The following NPHP1 variants were observed in gnomAD, a reference collection of about 807,000 sequenced individuals.
NPHP1 encodes nephrocystin-1.
Under a neutral mutation model 90.4 loss-of-function variants are expected in NPHP1, and 70 were observed. The observed-to-expected ratio is 0.77, with a 90% confidence interval of 0.64 to 0.95. The LOEUF is 0.95. Ranked by LOEUF, NPHP1 falls within the 40% of genes least tolerant of loss-of-function variation. The pLI is 0.00. For missense variants in NPHP1, 764 were observed against 795.9 expected (o/e 0.96, Z 0.48); for synonymous variants, 256 against 271.7 (o/e 0.94, Z 0.57).
rs547214048 is a variant in NPHP1 at position 110,130,423 on chromosome 2, T to A, written c.1643-1164A>T. 9.9e-5 allele frequency among the ~76,000 whole-genome samples: 15 copies of A among 152,284 alleles called. 1 individual carries two copies. The South Asian group carries it at 3.1e-3, about 32-fold the overall frequency. ...GCCTTATCCTCTTTAAGAGGTCACATCATTCATGAAGTTTCTCAAGAGTCA... is the reference window on the plus strand; with the variant it reads ...GCCTTATCCTCTTTAAGAGGTCACAACATTCATGAAGTTTCTCAAGAGTCA... On this transcript the variant is annotated intron_variant, in intron 17 of 19. Coordinates refer to ENST00000445609, the MANE Select transcript of NPHP1 (RefSeq NM_001128178.3).
chr2:110,178,313 T>C, intron 4 of NPHP1, 110 bp downstream of exon 4: 1 of 1,022,542 alleles, frequency 9.8e-7, no homozygotes, highest in Non-Finnish European at 1.5e-6. Flanking sequence ...GATTCTATTG[T>C]TAGTGTCATT....
intron 11 of NPHP1, among the ~76,000 whole-genome samples, chr2:110,151,815 T>C (rs1681490591): frequency 6.6e-6 from 1 of 152,190 alleles, no homozygotes; most frequent in African/African-American, 2.4e-5. Context: ...TTTCAAGAAA[T>C]GTTTTCTACT....
intron 16 of NPHP1, among the ~76,000 whole-genome samples, chr2:110,138,545 G>A (rs1680387242): frequency 6.6e-6 from 1 of 151,990 alleles, no homozygotes; most frequent in African/African-American, 2.4e-5. Flanking sequence ...GGGATGCAGG[G>A]GACCATTTCA....
chr2:110,140,784 T>C (rs1680566443), intron 16 of NPHP1, among the ~76,000 whole-genome samples: 5 of 152,090 alleles, frequency 3.3e-5, no homozygotes, highest in Admixed American at 3.3e-4. Flanking sequence ...ATTTACAGGC[T>C]CTATGAACAT....
intron 2 of NPHP1, among the ~76,000 whole-genome samples, chr2:110,181,036 G>T (rs1010060042): frequency 3.9e-5 from 6 of 152,130 alleles, no homozygotes; most frequent in Non-Finnish European, 8.8e-5. Context: ...ATTGTTCCGT[G>T]GGCCCCACTT....
At chr2:110,140,680 T>C (rs1366941730) in intron 16 of NPHP1, among the ~76,000 whole-genome samples, 2 of 152,016 alleles carry the variant, frequency 1.3e-5, no homozygotes, top group African/African-American at 4.8e-5. Context: ...CAAACAAGAT[T>C]TGGGTTTTCT....
At chr2:110,175,239 T>C (rs183942564) in intron 4 of NPHP1, among the ~76,000 whole-genome samples, 2 of 152,256 alleles carry the variant, frequency 1.3e-5, no homozygotes, top group East Asian at 1.9e-4. Flanking sequence ...CTTTACATAA[T>C]TGAGTGTCTT....
intron 18 of NPHP1, chr2:110,128,936 GA>G: frequency 1.9e-6 from 1 of 513,448 alleles, no homozygotes; most frequent in Non-Finnish European, 3.5e-6. Flanking sequence ...CTAAGTCAAG[GA>G]AAAAATGGGC....
chr2:110,128,473 C>T (rs1679529551), intron 18 of NPHP1: 1 of 152,456 alleles, frequency 6.6e-6, no homozygotes, highest in African/African-American at 2.4e-5. Context: ...CATGCTAAGC[C>T]TTCTACCTGC....
intron 16 of NPHP1, among the ~76,000 whole-genome samples, chr2:110,135,057 T>G (rs1680068410): frequency 6.6e-6 from 1 of 151,860 alleles, no homozygotes; most frequent in African/African-American, 2.4e-5. Context: ...CCCTAAATAC[T>G]CCATGAAAAA....
chr2:110,181,957 G>A (rs545007852), intron 2 of NPHP1, among the ~76,000 whole-genome samples: 1 of 152,164 alleles, frequency 6.6e-6, no homozygotes, highest in Non-Finnish European at 1.5e-5. Context: ...TGACCTGATA[G>A]AGGTGAAAAA....
At chr2:110,170,060 A>T in intron 4 of NPHP1, 62 bp from the exon 5 acceptor site, 1 of 1,601,838 alleles carries the variant, frequency 6.2e-7, no homozygotes, top group South Asian at 1.1e-5. Context: ...ACCAGCTATG[A>T]GTGTAACTTC....
intron 4 of NPHP1, among the ~76,000 whole-genome samples, chr2:110,172,414 C>A (rs1466209989): frequency 6.6e-6 from 1 of 151,662 alleles, no homozygotes; most frequent in African/African-American, 2.4e-5. Context: ...GTTTGTTGTC[C>A]TTTTTCTGGC....
intron 2 of NPHP1, 77 bp downstream of exon 2, chr2:110,201,344 A>G: frequency 1.0e-6 from 1 of 961,384 alleles, no homozygotes. Flanking sequence ...CAAAGGACCA[A>G]TCTCTATGCC....
chr2:110,194,884 T>A (rs892961566), intron 2 of NPHP1, among the ~76,000 whole-genome samples: 1 of 149,030 alleles, frequency 6.7e-6, no homozygotes, highest in Non-Finnish European at 1.5e-5. Flanking sequence ...ATCCAGCATA[T>A]AAACAGAACC....
intron 16 of NPHP1, among the ~76,000 whole-genome samples, chr2:110,134,439 C>G (rs534619211): frequency 1.7e-4 from 26 of 150,858 alleles, no homozygotes; most frequent in Non-Finnish European, 2.4e-4. Flanking sequence ...CAATTTTCCT[C>G]AAACTTTTCC....
At chr2:110,124,940 T>A (rs1297893904) in intron 19 of NPHP1, 1 of 330,750 alleles carries the variant, frequency 3.0e-6, no homozygotes, top group Non-Finnish European at 5.4e-6. Context: ...ATGAATACTT[T>A]AGATCAGGAC....
intron 11 of NPHP1, among the ~76,000 whole-genome samples, chr2:110,157,451 C>A (rs577327979): frequency 6.6e-6 from 1 of 152,120 alleles, no homozygotes; most frequent in Admixed American, 6.5e-5. Flanking sequence ...TTTCTTTACC[C>A]CAAGTTCAGA....
intron 2 of NPHP1, among the ~76,000 whole-genome samples, chr2:110,195,395 C>G (rs1685089047): frequency 6.6e-6 from 1 of 152,062 alleles, no homozygotes. Context: ...GACTGAACTC[C>G]CATTCACAAT....
Sources: allele counts gnomAD v4.1 joint callset (sites outside exome capture counted in the v4.1 genomes callset), GRCh38; gene constraint gnomAD v4.1.1; transcripts MANE v1.5; gene names NCBI Gene and HGNC (gene_info 2026-07-23, HGNC 2026-07-21).